The following GLIS3 variants were observed in gnomAD, a reference collection of about 807,000 sequenced individuals.
GLIS3 encodes the protein zinc finger protein GLIS3.
Under a neutral mutation model 78.6 loss-of-function variants are expected in GLIS3, and 53 were observed. The observed-to-expected ratio is 0.67, with a 90% confidence interval of 0.54 to 0.85. The LOEUF (loss-of-function observed/expected upper bound fraction) is 0.85, where lower values mean the gene tolerates loss of function less well. Ranked by LOEUF, GLIS3 falls within the 40% of genes least tolerant of loss-of-function variation. The probability of loss-of-function intolerance (pLI) is 0.00; values close to 1 mark genes in which losing one functional copy is unlikely to be tolerated. For missense variants in GLIS3, 1,703 were observed against 1,231.1 expected (o/e 1.38, Z -5.74); for synonymous variants, 684 against 509.9 (o/e 1.34, Z -4.60).
At chr9:3,828,630 T>G (rs1478287890) in intron 10 of GLIS3, among the ~76,000 whole-genome samples, 3 of 152,094 alleles carry the variant, frequency 2.0e-5, no homozygotes, top group African/African-American at 7.2e-5. Context: ...AAAGACAGGC[T>G]GAGAAGAAGT....
At chr9:4,349,840 G>A (rs149410519), upstream of GLIS3, among the ~76,000 whole-genome samples, 122 of 152,298 alleles carry the variant, frequency 8.0e-4, no homozygotes, top group African/African-American at 2.0e-3. Flanking sequence ...AAGCCTTCAG[G>A]GTGTCCTGAA....
intron 6 of GLIS3, among the ~76,000 whole-genome samples, chr9:3,914,170 T>C (rs1469587709): frequency 6.6e-6 from 1 of 152,148 alleles, no homozygotes; most frequent in African/African-American, 2.4e-5. Flanking sequence ...TTAGAGATAG[T>C]GTGTTTGCTT....
intron 4 of GLIS3, among the ~76,000 whole-genome samples, chr9:3,980,402 G>A (rs1819160120): frequency 6.6e-6 from 1 of 152,172 alleles, no homozygotes; most frequent in Non-Finnish European, 1.5e-5. Context: ...GCTACCTCCA[G>A]AGTCCATATC....
intron 2 of GLIS3, among the ~76,000 whole-genome samples, chr9:4,212,692 G>C (rs917463512): frequency 5.3e-5 from 8 of 152,216 alleles, no homozygotes; most frequent in African/African-American, 1.9e-4. Context: ...TTTCCATGCA[G>C]AGGAAACAGC....
rs375644159 is a variant in GLIS3 at position 4,116,610 on chromosome 9, T to C, written c.1710+1158A>G. Among the ~76,000 whole-genome samples the C allele has an allele frequency of 2.0e-5, 3 of 152,346 alleles. No homozygotes were observed. In the East Asian group the frequency reaches 5.8e-4, roughly 29 times the overall value. ...CCTGTTTGGTTTGCTTTTACATGAATAAGAAACCTTGGCCAATCTATAATC... is the reference window on the plus strand; with the variant it reads ...CCTGTTTGGTTTGCTTTTACATGAACAAGAAACCTTGGCCAATCTATAATC... On this transcript the variant is annotated intron_variant, in intron 4 of 10. Transcript: ENST00000381971.
At chr9:4,327,394 G>A (rs1399959485) in intron 2 of GLIS3, among the ~76,000 whole-genome samples, 1 of 152,274 alleles carries the variant, frequency 6.6e-6, no homozygotes, top group African/African-American at 2.4e-5. Flanking sequence ...GCTTTGGAAA[G>A]AGGTGTCAAG....
intron 4 of GLIS3, among the ~76,000 whole-genome samples, chr9:4,114,212 A>T (rs773889954): frequency 9.2e-5 from 14 of 152,174 alleles, no homozygotes. Flanking sequence ...GCCCAAGCTC[A>T]TTCAGAACAC....
the GLIS3 span, among the ~76,000 whole-genome samples, chr9:4,432,727 GC>G: frequency 1.4e-4 from 19 of 138,632 alleles, no homozygotes; most frequent in African/African-American, 5.2e-4. Context: ...TGTAAACTCC[GC>G]CCCCTGCGCT....
At chr9:4,191,012 C>A (rs878881281) in intron 2 of GLIS3, among the ~76,000 whole-genome samples, 6 of 151,822 alleles carry the variant, frequency 4.0e-5, no homozygotes, top group Non-Finnish European at 8.8e-5. Context: ...CAGGCCTGCC[C>A]TAAAAGAGCT....
chr9:4,178,135 C>A (rs1243874105), intron 2 of GLIS3, among the ~76,000 whole-genome samples: 2 of 152,184 alleles, frequency 1.3e-5, no homozygotes, highest in African/African-American at 2.4e-5. Flanking sequence ...GTTCCTATCT[C>A]CAAGTGAACT....
At chr9:3,838,949 G>A (rs2130045840) in intron 9 of GLIS3, among the ~76,000 whole-genome samples, 1 of 152,208 alleles carries the variant, frequency 6.6e-6, no homozygotes, top group South Asian at 2.1e-4. Context: ...CTCCTAGAGG[G>A]CATAAGAATA....
chr9:4,266,986 C>T (rs527942627), intron 2 of GLIS3, among the ~76,000 whole-genome samples: 3 of 152,146 alleles, frequency 2.0e-5, no homozygotes, highest in Non-Finnish European at 4.4e-5. Flanking sequence ...TATGGAAATA[C>T]TTCATAGACT....
intron 4 of GLIS3, among the ~76,000 whole-genome samples, chr9:4,020,434 T>C (rs902174143): frequency 7.2e-5 from 11 of 152,188 alleles, no homozygotes; most frequent in South Asian, 2.1e-4. Context: ...ATGCTGTTCA[T>C]TGAGTGCTTG....
rs949202968 is a variant in GLIS3 at position 4,186,654 on chromosome 9, G to A, written c.389-60713C>T. The stretch of plus-strand genomic sequence containing the variant: ...TTCCTATTTCTCCACATCCTCTCCA[G>A]CACCTGTTGTTTCCTGACTTTTTAA... On this transcript the variant is annotated intron_variant, in intron 2 of 10. Coordinates refer to ENST00000381971, the MANE Select transcript of GLIS3 (RefSeq NM_001042413.2). Among the ~76,000 whole-genome samples, 7 of 151,270 alleles carry A rather than the reference G, an allele frequency of 4.6e-5. No homozygotes were observed. In the East Asian group the frequency reaches 5.8e-4, roughly 13 times the overall value.
the GLIS3 span, among the ~76,000 whole-genome samples, chr9:4,380,613 G>T: frequency 6.6e-6 from 1 of 152,232 alleles, no homozygotes; most frequent in African/African-American, 2.4e-5. Context: ...CAATAGGACT[G>T]AAGTTGGCCA....
rs184203669 is a variant in GLIS3 at position 4,319,411 on chromosome 9, T to C, written n.265-8883A>G. On this transcript the variant is annotated intron_variant and non_coding_transcript_variant, in intron 2 of 4. Coordinates refer to the GLIS3 transcript ENST00000471664. ...AATCTGGGTGAAGGTACATGGAAGC[T>C]CATTATTCTATTCTTGCAACTTTTC... Among the ~76,000 whole-genome samples, 585 of 152,346 alleles carry C rather than the reference T, an allele frequency of 3.8e-3. 3 individuals are homozygous for C. The highest frequency in any genetic ancestry group is 0.014 in the African/African-American group (562 of 41,586).
chr9:4,434,705 G>C, the GLIS3 span, among the ~76,000 whole-genome samples: 1 of 152,190 alleles, frequency 6.6e-6, no homozygotes, highest in Admixed American at 6.5e-5. Context: ...CTTCCTTACA[G>C]ATCTCCAGTG....
chr9:4,304,368 A>C (rs1180293042), upstream of GLIS3, among the ~76,000 whole-genome samples: 1 of 152,226 alleles, frequency 6.6e-6, no homozygotes, highest in Non-Finnish European at 1.5e-5. Context: ...TTTTTATTAT[A>C]AACTGAAGAT....
chr9:4,257,768 T>A (rs1426432111), intron 2 of GLIS3, among the ~76,000 whole-genome samples: 2 of 151,786 alleles, frequency 1.3e-5, no homozygotes, highest in Admixed American at 6.6e-5. Context: ...AGAGATGGGG[T>A]TTCACTGTGT....
Sources: allele counts gnomAD v4.1 joint callset (sites outside exome capture counted in the v4.1 genomes callset), GRCh38; gene constraint gnomAD v4.1.1; transcripts MANE v1.5; gene names NCBI Gene and HGNC (gene_info 2026-07-23, HGNC 2026-07-21).